TNRC6B: variants seen among roughly 807,000 people sequenced by gnomAD.
TNRC6B encodes trinucleotide repeat containing adaptor 6B.
In TNRC6B, 52 loss-of-function variants were observed where a neutral mutation model predicts 203.6. The ratio of observed to expected loss-of-function variants is 0.26; its 90% CI spans 0.20 to 0.32. The LOEUF (loss-of-function observed/expected upper bound fraction) is 0.32, where lower values mean the gene tolerates loss of function less well. Among genes scored for constraint, TNRC6B ranks in the 10% least tolerant of loss-of-function variants. The pLI is 1.00. For missense variants in TNRC6B, 1,923 were observed against 2,286.2 expected (o/e 0.84, Z 3.24); for synonymous variants, 838 against 845.7 (o/e 0.99, Z 0.16).
intron 1 of TNRC6B, among the ~76,000 whole-genome samples, chr22:40,213,887 A>G (rs953348066): frequency 2.0e-5 from 3 of 152,208 alleles, no homozygotes. Context: ...TCATATGACA[A>G]ATAATGAGAG....
chr22:40,125,108 T>C (rs2068478139), intron 2 of TNRC6B, among the ~76,000 whole-genome samples: 1 of 152,228 alleles, frequency 6.6e-6, no homozygotes, highest in Non-Finnish European at 1.5e-5. Context: ...TACATTTTAA[T>C]TCATAAAATT....
intron 3 of TNRC6B, chr22:40,156,036 A>G (rs1852606740): frequency 1.5e-6 from 2 of 1,348,522 alleles, no homozygotes. Context: ...GTGGTTCTGC[A>G]CAGGGCAGGT....
chr22:40,107,960 A>G (rs1038917625), intron 1 of TNRC6B, among the ~76,000 whole-genome samples: 2 of 151,108 alleles, frequency 1.3e-5, no homozygotes, highest in East Asian at 1.9e-4. Flanking sequence ...CTGTTTTTAC[A>G]GTGCGCAAGA....
chr22:40,154,235 G>A (rs1382020441), intron 3 of TNRC6B, among the ~76,000 whole-genome samples: 4 of 151,856 alleles, frequency 2.6e-5, no homozygotes, highest in Non-Finnish European at 4.4e-5. Context: ...AGGCCAAGAC[G>A]GGTGGATCAC....
Position 40,163,630 on chromosome 22 carries a change from G to A in TNRC6B, c.113+7448G>A, listed in dbSNP as rs890002313. ...TACAAAATTAGCCAGGTGTGGTGGC[G>A]CATGCCTGTAATCTCAGCTACTCGG... is the stretch of plus-strand genomic sequence containing the variant. On this transcript the variant is annotated intron_variant, in intron 4 of 23. Transcript: ENST00000301923. 5.9e-5 allele frequency among the ~76,000 whole-genome samples: 9 copies of A among 151,406 alleles called. No homozygotes were observed. The South Asian group carries it at 1.0e-3, about 18-fold the overall frequency.
intron 1 of TNRC6B, among the ~76,000 whole-genome samples, chr22:40,098,812 C>T (rs1250588906): frequency 6.6e-6 from 1 of 152,082 alleles, no homozygotes; most frequent in Non-Finnish European, 1.5e-5. Context: ...ACTGCAATCT[C>T]GAACTCCTGG....
intron 1 of TNRC6B, among the ~76,000 whole-genome samples, chr22:40,202,804 G>A (rs1228372514): frequency 1.3e-5 from 2 of 152,126 alleles, no homozygotes; most frequent in African/African-American, 2.4e-5. Flanking sequence ...AAGGAGCTCT[G>A]CTCTTGACCG....
chr22:40,245,918 A>C, intron 1 of TNRC6B, 97 bp from the exon 2 acceptor site: 3 of 797,004 alleles, frequency 3.8e-6, no homozygotes, highest in Non-Finnish European at 5.8e-6. Context: ...CAGAGATGAA[A>C]TGTCGTCTTG....
At chr22:40,141,098 A>G (rs1389156408) in intron 3 of TNRC6B, among the ~76,000 whole-genome samples, 1 of 151,734 alleles carries the variant, frequency 6.6e-6, no homozygotes, top group Non-Finnish European at 1.5e-5. Context: ...TTGCTTTGTC[A>G]TATTTGCTTC....
intron 15 of TNRC6B, among the ~76,000 whole-genome samples, chr22:40,307,929 C>A (rs1310157262): frequency 6.6e-6 from 1 of 152,142 alleles, no homozygotes; most frequent in Non-Finnish European, 1.5e-5. Context: ...GACACAACTT[C>A]ATTTCTCCTC....
chr22:40,270,310 A>C, intron 6 of TNRC6B, 30 bp downstream of exon 6: 1 of 1,195,950 alleles, frequency 8.4e-7, no homozygotes, highest in Non-Finnish European at 1.1e-6. Context: ...TTTTTGAGGG[A>C]TCCTTTTTTT....
chr22:40,107,493 TAATG>T (rs759117572), intron 1 of TNRC6B, among the ~76,000 whole-genome samples: 4 of 152,200 alleles, frequency 2.6e-5, no homozygotes, highest in Non-Finnish European at 5.9e-5. Flanking sequence ...TAAGGGGCCT[TAATG>T]AATATGTTTA....
rs1011033514 is a variant in TNRC6B, at chr22:40,224,726, C to T, written c.6-21289C>T. Among the ~76,000 whole-genome samples, 17 of 152,228 alleles carry T rather than the reference C, an allele frequency of 1.1e-4. 2 individuals carry two copies. Among genetic ancestry groups the T allele is most frequent in the Admixed American group, 9.8e-4 (15 of 15,288 alleles). On this transcript the variant is annotated intron_variant, in intron 1 of 22. Coordinates refer to ENST00000454349, the MANE Select transcript of TNRC6B (RefSeq NM_001162501.2). ...CCCAGCTTTCTTCTTTCTCTCCTTT[C>T]CCTTCCTTCCTCTCTTCCTCCCGTT...
In TNRC6B at chr22:40,323,236, A is replaced by G. The variant is rs780216323; in HGVS notation, c.5497A>G (p.Ile1833Val). The G allele has an allele frequency of 8.1e-6, 13 of 1,610,088 alleles. No individual in the cohort carries two copies. The highest frequency in any genetic ancestry group is 2.2e-5 in the East Asian group (1 of 44,868). ...CCTTCTGGGAGGAGGGTCGGATTCAATCTGAACTTAGAACTTTCAACTCTG... is the reference window on the plus strand; with the variant it reads ...CCTTCTGGGAGGAGGGTCGGATTCAGTCTGAACTTAGAACTTTCAACTCTG... The part of the protein sequence containing the change: ...GDLLGGGSDS[I>V] Residue 1833 changes from isoleucine to valine, a missense_variant, in exon 23 of 23, where the codon ATC becomes GTC. Ile to Val is a conservative substitution (Grantham distance 29). Coordinates refer to ENST00000454349, the MANE Select transcript of TNRC6B (RefSeq NM_001162501.2).
chr22:40,208,038 C>T (rs909870341), intron 1 of TNRC6B, among the ~76,000 whole-genome samples: 7 of 142,674 alleles, frequency 4.9e-5, no homozygotes, highest in East Asian at 4.8e-4. Flanking sequence ...GGCGGGAACC[C>T]GGGAGGCGGA....
chr22:40,178,198 C>G, intron 1 of TNRC6B, 58 bp downstream of exon 1: 1 of 1,584,788 alleles, frequency 6.3e-7, no homozygotes, highest in Non-Finnish European at 8.6e-7. Context: ...CTTGTCTAAC[C>G]GTTTTCACTG....
rs770137387 is a variant in TNRC6B at position 40,315,373 on chromosome 22, T to C, written c.4769T>C (p.Ile1590Thr). The change falls in exon 20 of 23, where the codon ATT (isoleucine) becomes ACT (threonine). Residue 1590 changes from isoleucine to threonine, a missense_variant. By Grantham distance (89) the Ile-to-Thr change is moderately conservative (BLOSUM62 -1). This residue lies in a region of TNRC6B where 159 missense variants were observed against 181.0 expected (regional missense o/e 0.88). Coordinates refer to ENST00000454349, the MANE Select transcript of TNRC6B (RefSeq NM_001162501.2). ...TCCAACAAGATGTGGAAAAACCATATTTCCTCCAGGAACACTACACCGCTG... is the reference window on the plus strand; with the variant it reads ...TCCAACAAGATGTGGAAAAACCATACTTCCTCCAGGAACACTACACCGCTG... ...HLSNKMWKNHISSRNTTPLPR... is the reference protein window; with the variant it reads ...HLSNKMWKNHTSSRNTTPLPR... 6.8e-6 allele frequency: 11 copies of C among 1,613,846 alleles called. No homozygotes were observed. The highest frequency in any genetic ancestry group is 8.5e-6 in the Non-Finnish European group (10 of 1,179,892).
intron 1 of TNRC6B, among the ~76,000 whole-genome samples, chr22:40,214,042 C>T (rs982405902): frequency 3.3e-5 from 5 of 152,156 alleles, no homozygotes; most frequent in African/African-American, 4.8e-5. Context: ...CCAAGGCAGG[C>T]GGATCACGAG....
rs748248157 is a variant in TNRC6B at position 40,266,421 on chromosome 22, G to C, written c.2191G>C (p.Gly731Arg). The change falls in exon 5 of 23, where the codon GGG becomes CGG. Residue 731 changes from glycine to arginine, a missense_variant. Gly to Arg is a moderately radical substitution (Grantham distance 125). Around this residue, in one of 8 missense-constraint regions of TNRC6B, gnomAD observed 599 missense variants for 656.5 expected, o/e 0.91. Coordinates refer to ENST00000454349, the MANE Select transcript of TNRC6B (RefSeq NM_001162501.2). ...GAATGAGAATCCCAGCAAGGATCAG[G>C]GGTGGGGAGGTGGACGCCAGCCCAA... ...SWNENPSKDQ[G>R]WGGGRQPNQG... 2.5e-6 allele frequency: 4 copies of C among 1,613,846 alleles called. No homozygotes were observed. The African/African-American group carries it at 5.3e-5, about 22-fold the overall frequency.
Sources: allele counts gnomAD v4.1 joint callset (sites outside exome capture counted in the v4.1 genomes callset), GRCh38; gene constraint gnomAD v4.1.1; regional missense constraint gnomAD v4.1.1; transcripts MANE v1.5; gene names NCBI Gene and HGNC (gene_info 2026-07-23, HGNC 2026-07-21).